TANC2: variants seen among roughly 807,000 people sequenced by gnomAD.
TANC2 encodes tetratricopeptide repeat, ankyrin repeat and coiled-coil containing 2, also known as protein TANC2.
TANC2 carries 26 observed loss-of-function variants against 210.5 expected under a neutral mutation model. That is an observed-to-expected ratio of 0.12 (90% CI 0.09 to 0.17). The LOEUF is 0.17. Among genes scored for constraint, TANC2 ranks in the 10% least tolerant of loss-of-function variants. The pLI, the probability that TANC2 is intolerant of heterozygous loss-of-function variation, is 1.00. For synonymous variants in TANC2, 931 were observed against 967.1 expected (o/e 0.96, Z 0.69); for missense variants, 2,129 against 2,608.9 (o/e 0.82, Z 4.01).
intron 3 of TANC2, among the ~76,000 whole-genome samples, chr17:63,097,838 G>A (rs977352696): frequency 6.6e-6 from 1 of 151,790 alleles, no homozygotes; most frequent in Non-Finnish European, 1.5e-5. Flanking sequence ...TTGTGCTTTT[G>A]GTGTCATATC....
intron 2 of TANC2, among the ~76,000 whole-genome samples, chr17:63,059,670 G>A (rs1341533412): frequency 6.6e-6 from 1 of 151,674 alleles, no homozygotes; most frequent in Non-Finnish European, 1.5e-5. Context: ...ACCTCAGAAT[G>A]TGGCCAGTTA....
At chr17:63,073,653 T>C (rs1056322686) in intron 2 of TANC2, among the ~76,000 whole-genome samples, 7 of 152,186 alleles carry the variant, frequency 4.6e-5, no homozygotes, top group Non-Finnish European at 8.8e-5. Context: ...TGACTGAACT[T>C]TGGTGTTGAT....
chr17:63,140,635 G>A (rs2039254386), intron 4 of TANC2, among the ~76,000 whole-genome samples: 2 of 152,162 alleles, frequency 1.3e-5, no homozygotes, highest in East Asian at 1.9e-4. Flanking sequence ...GATATTGGTG[G>A]GCACTAGTAA....
chr17:63,426,957 A>T (rs982366751), exon 28 of TANC2: 2 of 152,136 alleles, frequency 1.3e-5, no homozygotes, highest in Admixed American at 6.5e-5. Context: ...TACCTGCCTT[A>T]TTGCATACCA....
intron 9 of TANC2, among the ~76,000 whole-genome samples, chr17:63,305,832 A>G (rs1197093569): frequency 6.6e-6 from 1 of 152,218 alleles, no homozygotes; most frequent in Non-Finnish European, 1.5e-5. Context: ...TCAAAGGGAC[A>G]ACCTGCCCTA....
In TANC2 at chr17:63,412,151, G is replaced by A. The variant is rs1191472629; in HGVS notation, c.3898+21G>A. ...GATAGGTAGGAGAAGGGAAGAGGAT[G>A]TTGGCCATCTGTGCCCAGGGGCCAG... On this transcript the variant is annotated intron_variant, in intron 23 of 27. Transcript: ENST00000689528. This position sits in a 1 kb window ranked among gnomAD's most constrained non-coding sequence, Gnocchi z 4.2. 1.2e-6 allele frequency: 2 copies of A among 1,613,940 alleles called. No homozygotes were observed. Among genetic ancestry groups the A allele is most frequent in the Non-Finnish European group, 8.5e-7 (1 of 1,179,852 alleles).
chr17:63,350,847 T>TA (rs1319538333), intron 12 of TANC2, among the ~76,000 whole-genome samples: 1 of 142,860 alleles, frequency 7.0e-6, no homozygotes, highest in Admixed American at 7.1e-5. Flanking sequence ...GAACATATGA[T>TA]ACTATTCTCT....
intron 1 of TANC2, among the ~76,000 whole-genome samples, chr17:62,969,839 G>A (rs1056218450): frequency 6.6e-6 from 1 of 151,934 alleles, no homozygotes; most frequent in Admixed American, 6.6e-5. Context: ...ATATTTTTAT[G>A]ACCTCTTTTT....
In TANC2 at chr17:63,063,965, T is replaced by C. The variant is rs1273030506; in HGVS notation, c.68-9978T>C. ...TATCTATATTCTGAGCTTTTAAAGATGCTGGACATCTACTGAGTATGTAAT... is the reference window on the plus strand; with the variant it reads ...TATCTATATTCTGAGCTTTTAAAGACGCTGGACATCTACTGAGTATGTAAT... On this transcript the variant is annotated intron_variant, in intron 2 of 27. Transcript: ENST00000689528. 2.0e-5 allele frequency among the ~76,000 whole-genome samples: 3 copies of C among 152,184 alleles called. No individual in the cohort carries two copies. In the East Asian group the frequency reaches 5.8e-4, roughly 29 times the overall value.
At chr17:63,155,884 A>G (rs2039819098) in intron 5 of TANC2, among the ~76,000 whole-genome samples, 1 of 152,202 alleles carries the variant, frequency 6.6e-6, no homozygotes, top group Admixed American at 6.5e-5. Context: ...TCTATAGCAT[A>G]AGCACAAGCC....
chr17:63,334,745 G>A (rs1003214357), intron 11 of TANC2, among the ~76,000 whole-genome samples: 10 of 152,178 alleles, frequency 6.6e-5, no homozygotes, highest in African/African-American at 2.4e-4. Flanking sequence ...GTGATCAAGG[G>A]CAACATTACC....
At chr17:63,370,264 C>T (rs1196178126) in intron 14 of TANC2, among the ~76,000 whole-genome samples, 1 of 151,210 alleles carries the variant, frequency 6.6e-6, no homozygotes, top group Non-Finnish European at 1.5e-5. Flanking sequence ...CTGCAACTTC[C>T]GCCTCCCGGG....
chr17:63,005,201 A>G (rs1362808509), intron 1 of TANC2: 3 of 151,992 alleles, frequency 2.0e-5, no homozygotes, highest in Non-Finnish European at 2.9e-5. Flanking sequence ...GATTTGTTGA[A>G]AAGACTTTCC....
At chr17:62,982,055 G>A (rs1273285989) in intron 1 of TANC2, among the ~76,000 whole-genome samples, 4 of 148,536 alleles carry the variant, frequency 2.7e-5, no homozygotes, top group South Asian at 2.3e-4. Flanking sequence ...ATCATTGGCC[G>A]CTGATGGAAG....
At chr17:63,014,703 G>C (rs2034027501) in intron 2 of TANC2, among the ~76,000 whole-genome samples, 1 of 152,106 alleles carries the variant, frequency 6.6e-6, no homozygotes, top group Admixed American at 6.6e-5. Context: ...TACTGTGTTA[G>C]TAGAAATTAT....
At chr17:63,182,468 T>C in intron 5 of TANC2, 1 of 283,324 alleles carries the variant, frequency 3.5e-6, no homozygotes, top group Non-Finnish European at 6.9e-6. Context: ...ACCCAGATGA[T>C]GCCTTCAGGG....
At chr17:63,112,157 C>T (rs1411994557) in intron 4 of TANC2, among the ~76,000 whole-genome samples, 1 of 152,130 alleles carries the variant, frequency 6.6e-6, no homozygotes, top group African/African-American at 2.4e-5. Flanking sequence ...ATTGACGGTC[C>T]AGCATTCCTT....
At chr17:63,247,867 T>A (rs115035104) in intron 8 of TANC2, among the ~76,000 whole-genome samples, 1 of 152,106 alleles carries the variant, frequency 6.6e-6, no homozygotes, top group East Asian at 1.9e-4. Flanking sequence ...GCAAGTCATA[T>A]GTCAGGGAAT....
chr17:62,986,725 T>C (rs2032585194), intron 1 of TANC2, among the ~76,000 whole-genome samples: 1 of 152,156 alleles, frequency 6.6e-6, no homozygotes, highest in Non-Finnish European at 1.5e-5. Context: ...AGTGAACAGC[T>C]GCTCAGTGGA....
Sources: gnomAD v4.1 joint callset for allele counts (sites outside exome capture counted in the v4.1 genomes callset) on GRCh38, gnomAD v4.1.1 for gene constraint, Gnocchi (gnomAD v3.1) non-coding constraint, MANE v1.5 for transcripts, NCBI Gene and HGNC (gene_info 2026-07-23, HGNC 2026-07-21) for gene names.